Variants in ADAMTSL2 observed in about 807,000 individuals in gnomAD.
The protein encoded by ADAMTSL2 is ADAMTS like 2, also known as ADAMTS-like protein 2.
In ADAMTSL2, 55 loss-of-function variants were observed where a neutral mutation model predicts 117.0. The ratio of observed to expected loss-of-function variants is 0.47; its 90% CI spans 0.38 to 0.59. ADAMTSL2 has a LOEUF of 0.59. ADAMTSL2 is among the 20% of genes least tolerant of loss of function. The pLI, the probability that ADAMTSL2 is intolerant of heterozygous loss-of-function variation, is 0.00. For missense variants in ADAMTSL2, 1,182 were observed against 1,354.5 expected, an observed-to-expected ratio of 0.87 and a Z score of 2.00; for synonymous variants, 572 against 566.4, an observed-to-expected ratio of 1.01 and a Z score of -0.14.
At chr9:133,541,519 C>G (rs1830223419) in intron 7 of ADAMTSL2, among the ~76,000 whole-genome samples, 1 of 152,174 alleles carries the variant, frequency 6.6e-6, no homozygotes, top group African/African-American at 2.4e-5. Flanking sequence ...GAACTCCTGA[C>G]CTCGAGCGAT....
At chr9:133,544,417 C>T (rs1830300225) in intron 7 of ADAMTSL2, 53 bp from the exon 8 acceptor site, 48 of 1,490,138 alleles carry the variant, frequency 3.2e-5, no homozygotes, top group Non-Finnish European at 4.4e-5. Context: ...CGAGTGCCAC[C>T]CAAGGCTGCC....
At position 133,568,330 on chromosome 9, in the gene ADAMTSL2, C is replaced by G; in HGVS notation, c.1932C>G (p.Phe644Leu). 6.3e-7 allele frequency: 1 copy of G among 1,584,808 alleles called. No homozygotes were observed. The highest frequency in any genetic ancestry group is 1.2e-5 in the South Asian group (1 of 86,896). ...GCACCTGCGGAGAGGGCTACCAGTT[C>G]CGCGTCGTGCGCTGCTGGAAGATGC... ...CSRTCGEGYQFRVVRCWKMLS... is the reference protein window; with the variant it reads ...CSRTCGEGYQLRVVRCWKMLS... Residue 644 changes from phenylalanine (F) to leucine (L), a missense_variant, in exon 14 of 19, where the codon TTC becomes TTG. Physicochemically the swap from Phe to Leu is conservative, Grantham distance 22 (BLOSUM62 0). Around this residue, in one of 3 missense-constraint regions of ADAMTSL2, gnomAD observed 465 missense variants for 565.3 expected, o/e 0.82. Coordinates refer to ENST00000651351, the MANE Select transcript of ADAMTSL2 (RefSeq NM_014694.4).
Position 133,547,198 on chromosome 9 carries a change from G to C in ADAMTSL2, c.924G>C (p.Gln308His), listed in dbSNP as rs747215901. 6.2e-7 allele frequency: 1 copy of C among 1,613,554 alleles called. No individual in the cohort carries two copies. Among genetic ancestry groups the C allele is most frequent in the Non-Finnish European group, 8.5e-7 (1 of 1,179,620 alleles). The change falls in exon 9 of 19, where the codon CAG (glutamine) becomes CAC (histidine). Residue 308 changes from glutamine (Q) to histidine (H), a missense_variant. Gln to His is a conservative substitution (Grantham distance 24). Coordinates refer to ENST00000651351, the MANE Select transcript of ADAMTSL2 (RefSeq NM_014694.4). Reference sequence around the variant, plus strand: ...TCGTGGCACAGGGGCCCACCAACCAGGGCCTGAATGTCATGGTACGTGTGC... The same window carrying C: ...TCGTGGCACAGGGGCCCACCAACCACGGCCTGAATGTCATGGTACGTGTGC... ...EYIVAQGPTN[Q>H]GLNVMVWNQN...
intron 9 of ADAMTSL2, among the ~76,000 whole-genome samples, chr9:133,549,375 G>T (rs1478462775): frequency 6.6e-6 from 1 of 152,084 alleles, no homozygotes; most frequent in African/African-American, 2.4e-5. Context: ...GGGCCAGGTG[G>T]CTACCTGGTG....
At chr9:133,570,243 GC>G in intron 16 of ADAMTSL2, 87 bp from the exon 17 acceptor site, 1 of 1,449,794 alleles carries the variant, frequency 6.9e-7, no homozygotes, top group Non-Finnish European at 9.3e-7. Flanking sequence ...CTATTGACCA[GC>G]CCGTTGTCAC....
At chr9:133,539,657 C>CTGTCCCGGCTGTCCCGGA in intron 4 of ADAMTSL2, 114 bp from the exon 5 acceptor site, 3 of 979,920 alleles carry the variant, frequency 3.1e-6, no homozygotes, top group South Asian at 1.4e-5. Context: ...CCCCGCACGG[C>CTGTCCCGGCTGTCCCGGA]TGTCCCGGCT....
chr9:133,572,193 C>T (rs1350678304), intron 17 of ADAMTSL2, among the ~76,000 whole-genome samples: 5 of 150,980 alleles, frequency 3.3e-5, no homozygotes, highest in East Asian at 3.9e-4. Flanking sequence ...CCCCCCACCC[C>T]GCCCCAGGGC....
chr9:133,575,237 T>G lies in ADAMTSL2; in HGVS notation c.*373T>G. ...CCGGGCCCGTAGCCCACGCCCTCTCTGGGTGGCAGGGCCTTCTGAAGGAAA... is the reference window on the plus strand; with the variant it reads ...CCGGGCCCGTAGCCCACGCCCTCTCGGGGTGGCAGGGCCTTCTGAAGGAAA... On this transcript the variant is annotated 3_prime_UTR_variant, in exon 19 of 19. Transcript: ENST00000651351. 1 of 271,576 alleles carries G rather than the reference T, an allele frequency of 3.7e-6. No homozygotes were observed. The highest frequency in any genetic ancestry group is 7.1e-6 in the Non-Finnish European group (1 of 139,924). 16.8% of individuals were successfully genotyped at this position (271,576 alleles called of 1,614,324 possible). A position where few individuals can be genotyped will look rare whatever the true frequency, so the allele number is the denominator to read the frequency against.
chr9:133,566,861 C>T, intron 12 of ADAMTSL2, 75 bp from the exon 13 acceptor site: 2 of 1,552,422 alleles, frequency 1.3e-6, no homozygotes, highest in South Asian at 1.2e-5. Flanking sequence ...GTGACTTGCC[C>T]CAAGTCCTGA....
At chr9:133,536,925 C>T (rs1402398279) in intron 2 of ADAMTSL2, 123 bp downstream of exon 2, 3 of 1,481,838 alleles carry the variant, frequency 2.0e-6, no homozygotes, top group African/African-American at 1.4e-5. Flanking sequence ...CAGAACCCAT[C>T]TTGGCTCCTA....
intron 13 of ADAMTSL2, 132 bp from the exon 14 acceptor site, chr9:133,568,141 T>G: frequency 1.1e-6 from 1 of 933,954 alleles, no homozygotes; most frequent in South Asian, 1.6e-5. Context: ...CTGTCTGGCT[T>G]AGCTTGTTGT....
intron 9 of ADAMTSL2, among the ~76,000 whole-genome samples, chr9:133,549,394 CT>C (rs1159929577): frequency 5.9e-5 from 9 of 152,140 alleles, no homozygotes; most frequent in African/African-American, 2.2e-4. Flanking sequence ...TGAGGTGACC[CT>C]GGTCTCCATG....
intron 8 of ADAMTSL2, 113 bp downstream of exon 8, chr9:133,544,663 C>A: frequency 1.1e-6 from 1 of 946,734 alleles, no homozygotes; most frequent in Non-Finnish European, 1.7e-6. Context: ...CAGGGATGGA[C>A]CAGTGCTGTG....
chr9:133,568,210 G>A, intron 13 of ADAMTSL2, 63 bp from the exon 14 acceptor site: 1 of 1,501,864 alleles, frequency 6.7e-7, no homozygotes, highest in Non-Finnish European at 9.0e-7. Flanking sequence ...CTGGGGGTGT[G>A]GGTTGCATGG....
chr9:133,572,873 G>A (rs1039403063), intron 17 of ADAMTSL2, among the ~76,000 whole-genome samples: 6 of 152,166 alleles, frequency 3.9e-5, no homozygotes, highest in Admixed American at 2.6e-4. Flanking sequence ...AGAGGAGCTG[G>A]CACCAGGGCT....
chr9:133,542,327 C>T (rs117521916), intron 7 of ADAMTSL2, among the ~76,000 whole-genome samples: 2 of 152,198 alleles, frequency 1.3e-5, no homozygotes, highest in African/African-American at 4.8e-5. Context: ...TTGGAGGCCT[C>T]GCTCTAGGAG....
In ADAMTSL2 at chr9:133,567,079, G is replaced by A. The variant is rs1830991005; in HGVS notation, c.1874+17G>A. 6 of 1,600,980 alleles carry A rather than the reference G, an allele frequency of 3.7e-6. No individual in the cohort carries two copies. In the South Asian group the frequency reaches 4.4e-5, roughly 12 times the overall value. On this transcript the variant is annotated intron_variant, in intron 13 of 18. Coordinates refer to ENST00000651351, the MANE Select transcript of ADAMTSL2 (RefSeq NM_014694.4). ...CCAGCCCAGGTACCTGCCACCAGGG[G>A]CCCTGGGCAGGGGGTCGGCAGGGGG... is the stretch of plus-strand genomic sequence containing the variant.
rs1266018420 is a variant in ADAMTSL2, at chr9:133,575,075, G to C, written c.*211G>C. The C allele has an allele frequency of 3.4e-6, 2 of 591,440 alleles. No homozygotes were observed. The highest frequency in any genetic ancestry group is 6.0e-6 in the Non-Finnish European group (2 of 330,842). 36.6% of individuals were successfully genotyped at this position (591,440 alleles called of 1,614,324 possible). On this transcript the variant is annotated 3_prime_UTR_variant, in exon 19 of 19. Transcript: ENST00000651351. ...CTCCGGCACCCAGTGGCCTCCCCCA[G>C]ACAGAGCCACCCCTGCCGTGGGAAC...
chr9:133,554,374 CA>C lies in ADAMTSL2; in HGVS notation c.961del (p.Ser321AlafsTer40). 1.3e-6 allele frequency: 2 copies of C among 1,556,844 alleles called. No individual in the cohort carries two copies. The highest frequency in any genetic ancestry group is 1.7e-6 in the Non-Finnish European group (2 of 1,154,928). On this transcript the variant is annotated frameshift_variant, in exon 10 of 19. Transcript: ENST00000651351. LOFTEE classifies it high-confidence loss of function. This position sits in a 1 kb window ranked among gnomAD's most constrained non-coding sequence, Gnocchi z 5.2. ...LNVMVWNQNGKSPSITFEYTL... is the reference protein window; with the variant it reads ...LNVMVWNQNGXSPSITFEYTL... ...TTCCCTAGGTGTGGAACCAGAACGGCAAAAGCCCCTCCATCACCTTCGAGTA... is the reference window on the plus strand; with the variant it reads ...TTCCCTAGGTGTGGAACCAGAACGGCAAAGCCCCTCCATCACCTTCGAGTA...
Sources: gnomAD v4.1 joint callset for allele counts (sites outside exome capture counted in the v4.1 genomes callset) on GRCh38, gnomAD v4.1.1 for gene constraint, gnomAD v4.1.1 regional missense constraint, Gnocchi (gnomAD v3.1) non-coding constraint, MANE v1.5 for transcripts, NCBI Gene and HGNC (gene_info 2026-07-23, HGNC 2026-07-21) for gene names.